PTPRZ1: variants seen among roughly 807,000 people sequenced by gnomAD.
The protein encoded by PTPRZ1 is receptor-type tyrosine-protein phosphatase zeta.
A neutral mutation model predicts 214.1 loss-of-function variants in PTPRZ1; 82 were observed. The ratio of observed to expected loss-of-function variants is 0.38; its 90% CI spans 0.32 to 0.46. The LOEUF (loss-of-function observed/expected upper bound fraction) is 0.46, where lower values mean the gene tolerates loss of function less well. PTPRZ1 is among the 20% of genes least tolerant of loss of function. PTPRZ1 has a pLI of 1.00. For synonymous variants in PTPRZ1, 945 were observed against 987.9 expected, an observed-to-expected ratio of 0.96 and a Z score of 0.81; for missense variants, 2,603 against 2,748.7, an observed-to-expected ratio of 0.95 and a Z score of 1.19.
intron 12 of PTPRZ1, among the ~76,000 whole-genome samples, chr7:122,018,642 C>A (rs1382318065): frequency 6.6e-6 from 1 of 151,720 alleles, no homozygotes; most frequent in Non-Finnish European, 1.5e-5. Flanking sequence ...GAAGAGTTAT[C>A]CCAAGATTTT....
chr7:121,946,680 A>G (rs1422867649), intron 2 of PTPRZ1, among the ~76,000 whole-genome samples: 2 of 152,216 alleles, frequency 1.3e-5, no homozygotes, highest in Admixed American at 1.3e-4. Flanking sequence ...CTTTCTAATT[A>G]CAAGACAGAG....
At chr7:122,034,720 C>T (rs971811448) in intron 17 of PTPRZ1, among the ~76,000 whole-genome samples, 4 of 152,074 alleles carry the variant, frequency 2.6e-5, no homozygotes, top group Admixed American at 1.3e-4. Context: ...TTTGCTTACT[C>T]TTATGTGAAT....
chr7:121,884,266 T>C (rs1794331456), intron 1 of PTPRZ1, among the ~76,000 whole-genome samples: 1 of 152,090 alleles, frequency 6.6e-6, no homozygotes, highest in Non-Finnish European at 1.5e-5. Context: ...TACATTTATA[T>C]AAGTATGTTA....
intron 13 of PTPRZ1, among the ~76,000 whole-genome samples, chr7:122,025,592 A>G (rs952158048): frequency 4.6e-5 from 7 of 152,142 alleles, no homozygotes. Context: ...AGGCCTCCCA[A>G]AGTGCTGGGA....
chr7:121,995,083 T>C (rs2116606989), intron 8 of PTPRZ1, among the ~76,000 whole-genome samples: 1 of 152,332 alleles, frequency 6.6e-6, no homozygotes, highest in Middle Eastern at 3.4e-3. Flanking sequence ...TATGCTAAAA[T>C]TGTGACTACT....
chr7:121,954,077 C>A (rs934810549), intron 2 of PTPRZ1, among the ~76,000 whole-genome samples: 4 of 152,278 alleles, frequency 2.6e-5, no homozygotes, highest in African/African-American at 9.6e-5. Flanking sequence ...ACTTTTAAAT[C>A]TTTCTCAAAT....
intron 2 of PTPRZ1, among the ~76,000 whole-genome samples, chr7:121,942,222 A>C (rs1033079612): frequency 6.6e-6 from 1 of 152,210 alleles, no homozygotes; most frequent in African/African-American, 2.4e-5. Context: ...CCTGAAACTC[A>C]AAGTCTTCTG....
At chr7:121,914,205 G>A (rs1301456580) in intron 1 of PTPRZ1, among the ~76,000 whole-genome samples, 1 of 152,082 alleles carries the variant, frequency 6.6e-6, no homozygotes, top group Non-Finnish European at 1.5e-5. Flanking sequence ...TTAGCTGTGG[G>A]TTGCTACACC....
chr7:121,982,781 CTT>C (rs904772551), intron 6 of PTPRZ1, among the ~76,000 whole-genome samples: 1 of 148,638 alleles, frequency 6.7e-6, no homozygotes, highest in Non-Finnish European at 1.5e-5. Flanking sequence ...TTCTTTCTTT[CTT>C]TTTTTTTTGA....
chr7:122,053,357 G>T (rs1336836653), intron 25 of PTPRZ1, among the ~76,000 whole-genome samples: 2 of 152,152 alleles, frequency 1.3e-5, no homozygotes, highest in Non-Finnish European at 2.9e-5. Flanking sequence ...AGCCAAGCAG[G>T]CTGTTCTGTA....
chr7:121,936,857 GTC>G lies in PTPRZ1; in HGVS notation c.124+8637_124+8638del, dbSNP rs1456216235. The stretch of plus-strand genomic sequence containing the variant: ...CCAGAGAGTTGCACATTGTCGCAGA[GTC>G]AGGAGCTTGTGAAATTACAGTGGCA... On this transcript the variant is annotated intron_variant, in intron 2 of 29. Transcript: ENST00000393386. Among the ~76,000 whole-genome samples, 3 of 152,324 alleles carry G rather than the reference GTC, an allele frequency of 2.0e-5. No homozygotes were observed. In the East Asian group the frequency reaches 5.8e-4, roughly 29 times the overall value.
At chr7:121,926,056 G>A (rs1584645369) in intron 1 of PTPRZ1, among the ~76,000 whole-genome samples, 1 of 152,160 alleles carries the variant, frequency 6.6e-6, no homozygotes, top group East Asian at 1.9e-4. Context: ...TGTAATTCCA[G>A]CACTTTGGGA....
intron 27 of PTPRZ1, among the ~76,000 whole-genome samples, chr7:122,056,655 T>C (rs569370368): frequency 7.0e-4 from 107 of 151,898 alleles, no homozygotes; most frequent in African/African-American, 2.5e-3. Flanking sequence ...TTAAGATGTT[T>C]ATATTATATG....
chr7:122,012,727 A>C lies in PTPRZ1; in HGVS notation c.3681A>C (p.Ser1227=). 1 of 1,610,048 alleles carries C rather than the reference A, an allele frequency of 6.2e-7. No homozygotes were observed. Residue 1227 remains serine, a synonymous_variant, in exon 12 of 30, where the codon TCA becomes TCC. Coordinates refer to ENST00000393386, the MANE Select transcript of PTPRZ1 (RefSeq NM_002851.3). ...CTACAATGTTGCATCTCATTGTATCAAATTCTGCTTCAAGTGAAAACATGC... is the reference window on the plus strand; with the variant it reads ...CTACAATGTTGCATCTCATTGTATCCAATTCTGCTTCAAGTGAAAACATGC... ...ISSTMLHLIV[S]NSASSENMLH...
At position 121,995,111 on chromosome 7, in the gene PTPRZ1, TTTG is replaced by T. The variant is rs1437940157; in HGVS notation, c.929-1268_929-1266del. Among the ~76,000 whole-genome samples, 877 of 152,316 alleles carry T rather than the reference TTTG, an allele frequency of 5.8e-3. 7 individuals are homozygous for T. Among genetic ancestry groups the T allele is most frequent in the African/African-American group, 0.019 (799 of 41,566 alleles). ...TGACTACTAAGTATTATATGTAAAA[TTTG>T]TTTCCATTTGTAAGACCAATTGTTA... On this transcript the variant is annotated intron_variant, in intron 8 of 29. Coordinates refer to ENST00000393386, the MANE Select transcript of PTPRZ1 (RefSeq NM_002851.3).
intron 21 of PTPRZ1, among the ~76,000 whole-genome samples, chr7:122,041,272 T>C (rs550731360): frequency 3.2e-4 from 49 of 152,334 alleles, no homozygotes; most frequent in African/African-American, 1.2e-3. Context: ...AATGTTTTTG[T>C]TGTTAAACAA....
At chr7:122,043,472 A>G (rs1799791952) in intron 22 of PTPRZ1, among the ~76,000 whole-genome samples, 1 of 152,210 alleles carries the variant, frequency 6.6e-6, no homozygotes, top group African/African-American at 2.4e-5. Flanking sequence ...TTTACCCGTA[A>G]GTGACAGAAC....
intron 11 of PTPRZ1, 107 bp downstream of exon 11, chr7:122,004,767 T>A (rs1031367547): frequency 1.6e-6 from 1 of 628,912 alleles, no homozygotes. Context: ...GTGTGTATGA[T>A]TCACTGTTTG....
chr7:121,931,225 A>C (rs921859764), intron 2 of PTPRZ1, among the ~76,000 whole-genome samples: 2 of 152,192 alleles, frequency 1.3e-5, no homozygotes, highest in African/African-American at 2.4e-5. Context: ...TGTTTGCTCC[A>C]TTAAGAGTAA....
Sources: allele counts gnomAD v4.1 joint callset (sites outside exome capture counted in the v4.1 genomes callset), GRCh38; gene constraint gnomAD v4.1.1; transcripts MANE v1.5; gene names NCBI Gene and HGNC (gene_info 2026-07-23, HGNC 2026-07-21).